AGBL4: variants seen among roughly 807,000 people sequenced by gnomAD.
AGBL4 encodes the protein cytosolic carboxypeptidase 6.
In AGBL4, 58 loss-of-function variants were observed where a neutral mutation model predicts 66.4. The ratio of observed to expected loss-of-function variants is 0.87; its 90% confidence interval spans 0.71 to 1.09. The LOEUF is 1.09. Among genes scored for constraint, AGBL4 ranks in the 50% least tolerant of loss-of-function variants. AGBL4 has a pLI of 0.00. For synonymous variants in AGBL4, 234 were observed against 222.9 expected (o/e 1.05, Z -0.44); for missense variants, 579 against 631.0 (o/e 0.92, Z 0.88).
intron 3 of AGBL4, among the ~76,000 whole-genome samples, chr1:49,355,222 G>T (rs1375853773): frequency 6.6e-6 from 1 of 152,076 alleles, no homozygotes; most frequent in African/African-American, 2.4e-5. Context: ...TGTTTAACAG[G>T]TATGTCAAAT....
At chr1:48,991,326 G>A (rs1169285350) in intron 5 of AGBL4, among the ~76,000 whole-genome samples, 2 of 152,056 alleles carry the variant, frequency 1.3e-5, no homozygotes, top group African/African-American at 4.8e-5. Context: ...TGGTCTGTGA[G>A]GTTTCCACTG....
At chr1:49,771,971 T>G (rs1015286462) in intron 2 of AGBL4, among the ~76,000 whole-genome samples, 1 of 152,102 alleles carries the variant, frequency 6.6e-6, no homozygotes, top group African/African-American at 2.4e-5. Context: ...CAATTTATAT[T>G]CAAGGTTATC....
intron 3 of AGBL4, among the ~76,000 whole-genome samples, chr1:49,510,229 T>A (rs924913106): frequency 6.6e-6 from 1 of 151,926 alleles, no homozygotes; most frequent in Non-Finnish European, 1.5e-5. Context: ...TTTCTCCACA[T>A]CCTCTCCAGC....
intron 4 of AGBL4, among the ~76,000 whole-genome samples, chr1:49,102,012 A>G (rs570393188): frequency 6.6e-6 from 1 of 151,946 alleles, no homozygotes; most frequent in African/African-American, 2.4e-5. Flanking sequence ...GCCATGATCA[A>G]CTGAGAGAGG....
chr1:49,860,170 A>T (rs551539265), intron 1 of AGBL4, among the ~76,000 whole-genome samples: 1 of 152,322 alleles, frequency 6.6e-6, no homozygotes, highest in South Asian at 2.1e-4. Flanking sequence ...TACAATCCCA[A>T]CTGAATACTC....
chr1:48,993,517 C>A (rs934490608), intron 5 of AGBL4, among the ~76,000 whole-genome samples: 1 of 152,192 alleles, frequency 6.6e-6, no homozygotes, highest in African/African-American at 2.4e-5. Flanking sequence ...GCTGTCCTGG[C>A]TGATGCCCCT....
At chr1:48,940,188 G>C (rs574499591) in intron 5 of AGBL4, among the ~76,000 whole-genome samples, 2 of 152,152 alleles carry the variant, frequency 1.3e-5, no homozygotes, top group Non-Finnish European at 2.9e-5. Flanking sequence ...AACCAGCCTG[G>C]CCAACATGGT....
chr1:49,582,446 C>A (rs757282478), intron 3 of AGBL4, among the ~76,000 whole-genome samples: 3 of 152,284 alleles, frequency 2.0e-5, no homozygotes, highest in Non-Finnish European at 4.4e-5. Flanking sequence ...GTAGTTCATG[C>A]TTCACTTGCA....
chr1:49,060,364 T>A (rs1373283865), intron 4 of AGBL4, among the ~76,000 whole-genome samples: 7 of 152,196 alleles, frequency 4.6e-5, no homozygotes, highest in Non-Finnish European at 1.5e-5. Context: ...CTCCCAGCCA[T>A]GCGGAACTGT....
chr1:48,868,902 C>G (rs934418455), intron 5 of AGBL4, among the ~76,000 whole-genome samples: 8 of 152,118 alleles, frequency 5.3e-5, no homozygotes, highest in African/African-American at 1.9e-4. Flanking sequence ...TACTTCAGTC[C>G]ATGACAATAG....
At chr1:49,859,636 AT>A (rs994607956) in intron 1 of AGBL4, among the ~76,000 whole-genome samples, 55 of 152,240 alleles carry the variant, frequency 3.6e-4, no homozygotes, top group African/African-American at 1.2e-3. Flanking sequence ...GTAATTATGT[AT>A]TTTTTAATAT....
chr1:49,471,192 CT>C (rs200530557), intron 3 of AGBL4, among the ~76,000 whole-genome samples: 2,518 of 151,990 alleles, frequency 0.017, 62 homozygotes, highest in African/African-American at 0.057. Context: ...GATTTGCTTC[CT>C]TTTATGAAAC....
chr1:49,818,054 G>A (rs990228255), intron 2 of AGBL4, among the ~76,000 whole-genome samples: 1 of 152,014 alleles, frequency 6.6e-6, no homozygotes, highest in Non-Finnish European at 1.5e-5. Context: ...TTTGTAACTT[G>A]TTTTAAGTAA....
At chr1:49,252,768 TA>T (rs1429241794) in intron 3 of AGBL4, among the ~76,000 whole-genome samples, 2 of 152,184 alleles carry the variant, frequency 1.3e-5, no homozygotes, top group South Asian at 2.1e-4. Context: ...CATTATTAAA[TA>T]AAAGAAATTT....
At chr1:49,609,019 C>A (rs898331475) in intron 3 of AGBL4, among the ~76,000 whole-genome samples, 1 of 152,074 alleles carries the variant, frequency 6.6e-6, no homozygotes, top group African/African-American at 2.4e-5. Flanking sequence ...ATTGTACACA[C>A]AGGATTTGAA....
intron 5 of AGBL4, among the ~76,000 whole-genome samples, chr1:48,897,112 T>C (rs757875158): frequency 2.6e-5 from 4 of 152,232 alleles, no homozygotes; most frequent in Admixed American, 6.5e-5. Context: ...AATACACTTA[T>C]ATCCTTTTTC....
chr1:49,954,735 T>C (rs544140576), intron 1 of AGBL4, among the ~76,000 whole-genome samples: 1 of 152,102 alleles, frequency 6.6e-6, no homozygotes, highest in East Asian at 1.9e-4. Context: ...GAAGATGCAA[T>C]CCACTCATCT....
intron 2 of AGBL4, among the ~76,000 whole-genome samples, chr1:49,757,058 T>C (rs1231359995): frequency 3.3e-5 from 5 of 151,920 alleles, no homozygotes; most frequent in Non-Finnish European, 4.4e-5. Context: ...TCATGGGAGG[T>C]GATTAGATCA....
rs570815739 is a variant in AGBL4, at chr1:49,199,781, T to C, written c.377+45989A>G. Among the ~76,000 whole-genome samples the C allele has an allele frequency of 2.4e-4, 36 of 152,310 alleles. 1 individual carries two copies. The South Asian group carries it at 7.5e-3, about 32-fold the overall frequency. Reference sequence around the variant, plus strand: ...TTTAACCATGATGTTCAACTCTCTCTGATCCAGATACTGCATTAAAAACTC... The same window carrying C: ...TTTAACCATGATGTTCAACTCTCTCCGATCCAGATACTGCATTAAAAACTC... On this transcript the variant is annotated intron_variant, in intron 4 of 13. Transcript: ENST00000371839.
Sources: allele counts gnomAD v4.1 joint callset (sites outside exome capture counted in the v4.1 genomes callset), GRCh38; gene constraint gnomAD v4.1.1; transcripts MANE v1.5; gene names NCBI Gene and HGNC (gene_info 2026-07-23, HGNC 2026-07-21).